The following SERPINB8 variants were observed in gnomAD, a reference collection of about 807,000 sequenced individuals.
SERPINB8 encodes the protein serpin B8.
A neutral mutation model predicts 35.3 loss-of-function variants in SERPINB8; 25 were observed. The observed-to-expected ratio is 0.71, with a 90% confidence interval of 0.52 to 0.99. SERPINB8 has a LOEUF of 0.99. Among genes scored for constraint, SERPINB8 ranks in the 50% least tolerant of loss-of-function variants. The pLI is 0.00. For missense variants in SERPINB8, 484 were observed against 446.5 expected (o/e 1.08, Z -0.76); for synonymous variants, 186 against 160.8 (o/e 1.16, Z -1.19).
In SERPINB8 at chr18:63,985,152, T is replaced by C; in HGVS notation, c.627T>C (p.Asp209=). The change falls in exon 6 of 7, where the codon GAT becomes GAC. Residue 209 remains aspartate (D), a synonymous_variant. Transcript: ENST00000397985. ...KEAKFKMGYA[D]EVHTQVLELP... Reference sequence around the variant, plus strand: ...CTAAGTTTAAAATGGGGTATGCGGATGAGGTACACACCCAGGTCCTGGAGC... The same window carrying C: ...CTAAGTTTAAAATGGGGTATGCGGACGAGGTACACACCCAGGTCCTGGAGC... 6.2e-7 allele frequency: 1 copy of C among 1,613,984 alleles called. No individual in the cohort carries two copies.
chr18:64,003,416 T>C (rs760547743), intron 1 of SERPINB8, among the ~76,000 whole-genome samples: 4 of 152,144 alleles, frequency 2.6e-5, no homozygotes, highest in Non-Finnish European at 5.9e-5. Flanking sequence ...GCATAGATTA[T>C]GTGCAAATTC....
In SERPINB8 at chr18:63,970,147, C is replaced by CGGCGG. The variant is rs1482697870; in HGVS notation, c.-31_-30insGGGGC. On this transcript the variant is annotated 5_prime_UTR_variant, in exon 1 of 7. Transcript: ENST00000397985. The stretch of plus-strand genomic sequence containing the variant: ...AAAGCAGCAGCGGCGGCGGCGGCGG[C>CGGCGG]GGCAGCAGCAGCAGCAGCAGGAGGT... 2.7e-6 allele frequency: 1 copy of CGGCGG among 367,766 alleles called. No homozygotes were observed. Among genetic ancestry groups the CGGCGG allele is most frequent in the East Asian group, 1.1e-4 (1 of 8,696 alleles). The allele number at this position is 367,766 out of a possible 1,614,324, so 22.8% of individuals were successfully genotyped here.
chr18:63,986,842 A>G (rs2050762670), intron 6 of SERPINB8, 32 bp from the exon 7 acceptor site: 2 of 1,562,734 alleles, frequency 1.3e-6, no homozygotes, highest in Admixed American at 3.8e-5. Flanking sequence ...ATTGTCATCT[A>G]AATTTTAAGG....
In SERPINB8 at chr18:63,979,898, C is replaced by T. The variant is rs1339015978; in HGVS notation, c.266C>T (p.Ala89Val). 9.9e-6 allele frequency: 16 copies of T among 1,614,052 alleles called. No individual in the cohort carries two copies. Among genetic ancestry groups the T allele is most frequent in the Non-Finnish European group, 1.4e-5 (16 of 1,179,974 alleles). Residue 89 changes from alanine to valine, a missense_variant, in exon 3 of 7, where the codon GCC becomes GTC. Transcript: ENST00000397985. ...GGCACTCAGTACTTGCTTAGAACTG[C>T]CAACAGACTCTTTGGAGAAAAGACG... Reference protein sequence around the residue: ...RTGTQYLLRTANRLFGEKTCD... With the variant: ...RTGTQYLLRTVNRLFGEKTCD...
At chr18:63,985,610 T>C (rs1038895704) in intron 6 of SERPINB8, among the ~76,000 whole-genome samples, 1 of 152,220 alleles carries the variant, frequency 6.6e-6, no homozygotes, top group Non-Finnish European at 1.5e-5. Flanking sequence ...TGCACATATA[T>C]GATTCTAGTG....
In SERPINB8 at chr18:63,987,572, A is replaced by T. The variant is rs2050781290; in HGVS notation, c.*294A>T. 3.0e-6 allele frequency: 1 copy of T among 331,680 alleles called. No homozygotes were observed. The highest frequency in any genetic ancestry group is 2.3e-5 in the African/African-American group (1 of 43,636). The allele number at this position is 331,680 out of a possible 1,614,324, so 20.5% of individuals were successfully genotyped here. A position where few individuals can be genotyped will look rare whatever the true frequency, so the allele number is the denominator to read the frequency against. ...ATTGTTTCAGGGGATCTTATGGAGC[A>T]TCTCAGGGCTTCAGGAGCCAGCCCT... On this transcript the variant is annotated 3_prime_UTR_variant, in exon 7 of 7. Coordinates refer to ENST00000397985, the MANE Select transcript of SERPINB8 (RefSeq NM_002640.4).
rs114632316 is a variant in SERPINB8, at chr18:64,012,788, T to C, written c.*3-6122T>C. On this transcript the variant is annotated intron_variant, in intron 7 of 7. Coordinates refer to the SERPINB8 transcript ENST00000636430. ...TATCTAGTAATGATAATTTTGATTA[T>C]TGAGGTAGGTAGCTGGTTTACGTAA... Among the ~76,000 whole-genome samples, 410 of 152,258 alleles carry C rather than the reference T, an allele frequency of 2.7e-3. 3 individuals are homozygous for C. Among genetic ancestry groups the C allele is most frequent in the African/African-American group, 9.6e-3 (399 of 41,562 alleles).
intron 7 of SERPINB8, among the ~76,000 whole-genome samples, chr18:64,017,026 T>C (rs2050953684): frequency 6.6e-6 from 1 of 152,198 alleles, no homozygotes; most frequent in African/African-American, 2.4e-5. Flanking sequence ...TGTTCACAGC[T>C]CCACACACAT....
At chr18:63,994,923 T>A (rs780342808) in intron 1 of SERPINB8, among the ~76,000 whole-genome samples, 3 of 151,800 alleles carry the variant, frequency 2.0e-5, no homozygotes, top group African/African-American at 7.3e-5. Context: ...ATGGAAAGAG[T>A]GGCTGCTTCC....
rs2050777700 is a variant in SERPINB8, at chr18:63,987,356, G to A, written c.*78G>A. The A allele has an allele frequency of 1.4e-6, 2 of 1,451,386 alleles. No individual in the cohort carries two copies. Among genetic ancestry groups the A allele is most frequent in the African/African-American group, 1.4e-5 (1 of 70,506 alleles). 89.9% of individuals were successfully genotyped at this position (1,451,386 alleles called of 1,614,324 possible). A position where few individuals can be genotyped will look rare whatever the true frequency, so the allele number is the denominator to read the frequency against. Reference sequence around the variant, plus strand: ...ATTAACATTCCCTGTGACCTAGTTGGTGCAGTGGCTTGAATGCCAAAATAA... The same window carrying A: ...ATTAACATTCCCTGTGACCTAGTTGATGCAGTGGCTTGAATGCCAAAATAA... On this transcript the variant is annotated 3_prime_UTR_variant, in exon 7 of 7. Transcript: ENST00000397985.
At chr18:63,980,541 T>C (rs1366273294) in intron 3 of SERPINB8, among the ~76,000 whole-genome samples, 4 of 152,300 alleles carry the variant, frequency 2.6e-5, no homozygotes, top group African/African-American at 9.6e-5. Flanking sequence ...TTGGCCATCC[T>C]ATTGGCTGGA....
chr18:63,998,489 A>T (rs1599164372), intron 1 of SERPINB8, among the ~76,000 whole-genome samples: 1 of 152,212 alleles, frequency 6.6e-6, no homozygotes, highest in African/African-American at 2.4e-5. Flanking sequence ...GAAGTGGCTG[A>T]TGGAAATGGA....
rs763790617 is a variant in SERPINB8 at position 63,983,685 on chromosome 18, A to G, written c.531A>G (p.Arg177=). ...FKGKWNEQFD[R]KYTRGMLFKT... ...GAAAGTGGAATGAGCAATTTGACAGAAAGTACACAAGGGGAATGCTCTTTA... is the reference window on the plus strand; with the variant it reads ...GAAAGTGGAATGAGCAATTTGACAGGAAGTACACAAGGGGAATGCTCTTTA... The change falls in exon 5 of 7, where the codon AGA becomes AGG. Residue 177 remains arginine (R), a synonymous_variant. Coordinates refer to ENST00000397985, the MANE Select transcript of SERPINB8 (RefSeq NM_002640.4). 1 of 1,614,048 alleles carries G rather than the reference A, an allele frequency of 6.2e-7. No homozygotes were observed. The highest frequency in any genetic ancestry group is 1.1e-5 in the South Asian group (1 of 91,076).
At chr18:64,016,426 A>G (rs213075) in intron 7 of SERPINB8, among the ~76,000 whole-genome samples, 132,545 of 152,150 alleles carry the variant, frequency 0.87, 57,836 homozygotes, top group East Asian at 0.93. Flanking sequence ...AAGGTTTTTC[A>G]TTTTTGTTTT....
chr18:63,985,401 A>T (rs2050738610), intron 6 of SERPINB8, among the ~76,000 whole-genome samples, 156 bp downstream of exon 6: 2 of 152,218 alleles, frequency 1.3e-5, no homozygotes, highest in Admixed American at 6.5e-5. Context: ...GAACATGTTC[A>T]TGCATTTCTG....
chr18:63,978,869 TAA>T (rs1310647451), intron 2 of SERPINB8, among the ~76,000 whole-genome samples: 2 of 121,254 alleles, frequency 1.6e-5, no homozygotes, highest in African/African-American at 1.0e-4. Flanking sequence ...AACTTTTTGT[TAA>T]GTGGGTTATT....
intron 2 of SERPINB8, 120 bp from the exon 3 acceptor site, chr18:63,979,681 G>A (rs1024384766): frequency 2.4e-6 from 3 of 1,256,980 alleles, no homozygotes; most frequent in Non-Finnish European, 3.4e-6. Flanking sequence ...AGACAATTAG[G>A]CCAAACCTTT....
chr18:64,004,584 C>G (rs2050891162), intron 1 of SERPINB8, among the ~76,000 whole-genome samples: 2 of 151,980 alleles, frequency 1.3e-5, no homozygotes, highest in African/African-American at 4.8e-5. Context: ...CTTTTAAGAG[C>G]TATGTATATT....
At chr18:63,974,140 C>A (rs574764) in intron 1 of SERPINB8, among the ~76,000 whole-genome samples, 59,707 of 151,842 alleles carry the variant, frequency 0.39, 11,811 homozygotes, top group South Asian at 0.57. Context: ...AGGTTTTCTT[C>A]TTATTATTTA....
Sources: gnomAD v4.1 joint callset for allele counts (sites outside exome capture counted in the v4.1 genomes callset) on GRCh38, gnomAD v4.1.1 for gene constraint, MANE v1.5 for transcripts, NCBI Gene and HGNC (gene_info 2026-07-23, HGNC 2026-07-21) for gene names.